NRG4: variants seen among roughly 807,000 people sequenced by gnomAD.
NRG4 encodes the protein pro-neuregulin-4, membrane-bound isoform.
NRG4 carries 10 observed loss-of-function variants against 15.0 expected under a neutral mutation model. The observed-to-expected ratio is 0.67, with a 90% CI of 0.41 to 1.13. NRG4 has a LOEUF of 1.13. NRG4 is among the 50% of genes most tolerant of loss of function. The pLI, the probability that NRG4 is intolerant of heterozygous loss-of-function variation, is 0.00. For missense variants in NRG4, 139 were observed against 140.2 expected, an observed-to-expected ratio of 0.99 and a Z score of 0.04; for synonymous variants, 41 against 50.1, an observed-to-expected ratio of 0.82 and a Z score of 0.77.
intron 4 of NRG4, among the ~76,000 whole-genome samples, chr15:76,043,365 G>T (rs1289491194): frequency 2.0e-5 from 3 of 152,116 alleles, no homozygotes; most frequent in Non-Finnish European, 4.4e-5. Flanking sequence ...AATTATCATT[G>T]TTTGCAGATT....
intron 3 of NRG4, among the ~76,000 whole-genome samples, chr15:75,962,819 T>G (rs1330492586): frequency 1.3e-5 from 2 of 152,114 alleles, no homozygotes; most frequent in African/African-American, 4.8e-5. Context: ...AAAAAACACT[T>G]TAATATTAAC....
At chr15:75,938,287 T>TA (rs913164492), downstream of NRG4, 4 of 151,642 alleles carry the variant, frequency 2.6e-5, no homozygotes, top group South Asian at 2.1e-4. Flanking sequence ...CTTTTAAAAA[T>TA]AAAAAAACAA....
intron 5 of NRG4, among the ~76,000 whole-genome samples, chr15:76,019,497 G>A (rs2035085809): frequency 1.3e-5 from 2 of 152,310 alleles, no homozygotes; most frequent in East Asian, 1.9e-4. Context: ...GCGTAGGCAC[G>A]TGAGGGAATT....
intron 3 of NRG4, among the ~76,000 whole-genome samples, chr15:76,004,814 T>C (rs530717820): frequency 2.0e-5 from 3 of 152,116 alleles, no homozygotes; most frequent in Admixed American, 6.5e-5. Context: ...ATGATGCAAC[T>C]ATATGCTGAC....
chr15:75,988,278 C>T lies in NRG4; in HGVS notation c.104+20922G>A, dbSNP rs186435770. Among the ~76,000 whole-genome samples, 530 of 152,246 alleles carry T rather than the reference C, an allele frequency of 3.5e-3. 1 individual carries two copies. Among genetic ancestry groups the T allele is most frequent in the Non-Finnish European group, 6.3e-3 (428 of 68,016 alleles). ...TCGGCTCACTGCAACCTCCACCTCC[C>T]GGGTTCAAGTGATTCTCCTGCCTCA... On this transcript the variant is annotated intron_variant, in intron 3 of 5. Transcript: ENST00000394907.
chr15:75,994,645 T>C (rs2034142995), intron 3 of NRG4, among the ~76,000 whole-genome samples: 1 of 152,244 alleles, frequency 6.6e-6, no homozygotes, highest in Non-Finnish European at 1.5e-5. Flanking sequence ...TAATCAGAAC[T>C]TATATTGATA....
chr15:75,988,419 T>A (rs1327479080), intron 3 of NRG4, among the ~76,000 whole-genome samples: 1 of 152,210 alleles, frequency 6.6e-6, no homozygotes, highest in East Asian at 1.9e-4. Context: ...ACTCCTGACC[T>A]CAAATGATCT....
chr15:76,048,349 G>A (rs2035921835), intron 4 of NRG4, among the ~76,000 whole-genome samples: 3 of 147,940 alleles, frequency 2.0e-5, no homozygotes, highest in Non-Finnish European at 4.5e-5. Flanking sequence ...GTGCATGCCT[G>A]TAATTCTAGC....
chr15:76,031,015 A>T (rs2035458112), intron 5 of NRG4, among the ~76,000 whole-genome samples: 1 of 152,230 alleles, frequency 6.6e-6, no homozygotes, highest in Admixed American at 6.5e-5. Context: ...GTGATATAGT[A>T]AAAGGATAAT....
chr15:76,006,805 C>T (rs886354505), intron 3 of NRG4, among the ~76,000 whole-genome samples: 4 of 152,180 alleles, frequency 2.6e-5, no homozygotes, highest in Non-Finnish European at 4.4e-5. Context: ...ATCTATCCAA[C>T]GTACAAAAGC....
rs1487134526 is a variant in NRG4, at chr15:75,977,400, C to A, written c.105-15426G>T. Among the ~76,000 whole-genome samples, 2 of 152,164 alleles carry A rather than the reference C, an allele frequency of 1.3e-5. No homozygotes were observed. The highest frequency in any genetic ancestry group is 2.9e-5 in the Non-Finnish European group (2 of 68,026). ...ACCCCTGCAGCTAGCTCTGTGTCTG[C>A]CAAAATAACCACCCAGTTTTGTGCT... On this transcript the variant is annotated intron_variant, in intron 3 of 5. Transcript: ENST00000394907. This position sits in a 1 kb window ranked among gnomAD's most constrained non-coding sequence, Gnocchi z 4.9.
chr15:75,961,996 A>G (rs1567078242), intron 3 of NRG4, 22 bp from the exon 4 acceptor site: 2 of 1,574,164 alleles, frequency 1.3e-6, no homozygotes, highest in Non-Finnish European at 1.7e-6. Flanking sequence ...AATTTTAGAT[A>G]AAGAATTGCA....
intron 5 of NRG4, among the ~76,000 whole-genome samples, chr15:76,024,472 C>A (rs1349752375): frequency 6.6e-6 from 1 of 152,192 alleles, no homozygotes; most frequent in Non-Finnish European, 1.5e-5. Context: ...CCGGGATACC[C>A]CTGACAGACA....
rs202038389 is a variant in NRG4, at chr15:75,961,278, GT to G, written c.251+549del. On this transcript the variant is annotated intron_variant, in intron 4 of 5. Coordinates refer to ENST00000394907, the MANE Select transcript of NRG4 (RefSeq NM_138573.4). ...AGTGCATAATTGCTTCATGCAAGTA[GT>G]TTTTTTTTTTGTCTCTCTTGTGAGT... Among the ~76,000 whole-genome samples the G allele has an allele frequency of 6.7e-3, 978 of 146,046 alleles. 19 individuals are homozygous for G. Among genetic ancestry groups the G allele is most frequent in the African/African-American group, 0.022 (871 of 40,124 alleles).
intron 1 of NRG4, among the ~76,000 whole-genome samples, chr15:76,059,504 G>A (rs1346278293): frequency 6.6e-6 from 1 of 152,128 alleles, no homozygotes; most frequent in African/African-American, 2.4e-5. Context: ...AATCCCGCGG[G>A]GGTCCTCCGC....
At chr15:76,050,705 A>C (rs556115546) in intron 4 of NRG4, among the ~76,000 whole-genome samples, 1 of 147,574 alleles carries the variant, frequency 6.8e-6, no homozygotes, top group African/African-American at 2.6e-5. Flanking sequence ...TGGCCTCCCA[A>C]AGTGCTGGGA....
intron 2 of NRG4, 84 bp downstream of exon 2, chr15:76,011,137 C>T (rs1460550274): frequency 4.5e-6 from 5 of 1,107,398 alleles, no homozygotes; most frequent in Non-Finnish European, 6.0e-6. Context: ...AATAATACAG[C>T]CTTGTGTTAA....
intron 5 of NRG4, among the ~76,000 whole-genome samples, chr15:76,019,004 CT>C (rs751742750): frequency 3.0e-4 from 44 of 147,974 alleles, no homozygotes; most frequent in Admixed American, 1.4e-3. Flanking sequence ...GGGCTGCTGC[CT>C]TTTTTTTTTA....
intron 4 of NRG4, among the ~76,000 whole-genome samples, chr15:76,039,851 C>A (rs2035688058): frequency 6.6e-6 from 1 of 152,224 alleles, no homozygotes; most frequent in East Asian, 1.9e-4. Flanking sequence ...AGTTTGAGAC[C>A]AGCCTGGCCA....
Sources: allele counts gnomAD v4.1 joint callset (sites outside exome capture counted in the v4.1 genomes callset), GRCh38; gene constraint gnomAD v4.1.1; non-coding constraint Gnocchi (gnomAD v3.1); transcripts MANE v1.5; gene names NCBI Gene and HGNC (gene_info 2026-07-23, HGNC 2026-07-21).